Variants in OLAH observed in about 807,000 individuals in gnomAD.
The protein encoded by OLAH is S-acyl fatty acid synthase thioesterase, medium chain.
In OLAH, 33 loss-of-function variants were observed where a neutral mutation model predicts 27.8. That is an observed-to-expected ratio of 1.19 (90% confidence interval 0.90 to 1.59). The LOEUF (loss-of-function observed/expected upper bound fraction) is 1.59, where lower values mean the gene tolerates loss of function less well. OLAH is among the 40% of genes most tolerant of loss of function. OLAH has a pLI of 0.00. For missense variants in OLAH, 359 were observed against 310.8 expected (o/e 1.16, Z -1.17); for synonymous variants, 120 against 102.9 (o/e 1.17, Z -1.01).
intron 1 of OLAH, among the ~76,000 whole-genome samples, chr10:15,046,921 A>T (rs540985839): frequency 6.6e-6 from 1 of 152,256 alleles, no homozygotes; most frequent in South Asian, 2.1e-4. Flanking sequence ...CTGTCTGTAT[A>T]TACGTGAGCA....
chr10:15,063,245 G>T (rs1010052706), intron 4 of OLAH, among the ~76,000 whole-genome samples: 1 of 152,034 alleles, frequency 6.6e-6, no homozygotes, highest in Non-Finnish European at 1.5e-5. Context: ...TTCCACCTCA[G>T]CCTCCCAAGT....
chr10:15,052,177 G>A (rs1294000710), intron 3 of OLAH, among the ~76,000 whole-genome samples: 2 of 152,122 alleles, frequency 1.3e-5, no homozygotes, highest in Non-Finnish European at 2.9e-5. Context: ...CAGCTACTCG[G>A]GAGGCTGAGG....
Position 15,073,461 on chromosome 10 carries a change from C to T in OLAH, c.*232C>T, listed in dbSNP as rs942406047. 4.9e-5 allele frequency: 19 copies of T among 390,566 alleles called. No individual in the cohort carries two copies. Among genetic ancestry groups the T allele is most frequent in the Admixed American group, 8.7e-5 (2 of 22,990 alleles). 24.2% of individuals were successfully genotyped at this position (390,566 alleles called of 1,614,324 possible). On this transcript the variant is annotated 3_prime_UTR_variant, in exon 8 of 8. Coordinates refer to ENST00000378228, the MANE Select transcript of OLAH (RefSeq NM_001039702.3). ...GGATCACGAGGTCAGGAGATCGAGACCGTCCTGGCTAACACCGTGAAACCC... is the reference window on the plus strand; with the variant it reads ...GGATCACGAGGTCAGGAGATCGAGATCGTCCTGGCTAACACCGTGAAACCC...
chr10:15,063,695 T>C (rs765161549), intron 4 of OLAH, among the ~76,000 whole-genome samples: 3 of 152,174 alleles, frequency 2.0e-5, no homozygotes, highest in Non-Finnish European at 2.9e-5. Context: ...TTTATCATAC[T>C]GAAAGGAAAA....
intron 3 of OLAH, among the ~76,000 whole-genome samples, chr10:15,052,167 C>T (rs1023921258): frequency 6.6e-6 from 1 of 152,136 alleles, no homozygotes. Context: ...CCTATAATCC[C>T]AGCTACTCGG....
chr10:15,068,612 C>A (rs1473276650), intron 6 of OLAH, among the ~76,000 whole-genome samples: 2 of 152,138 alleles, frequency 1.3e-5, no homozygotes, highest in Admixed American at 1.3e-4. Flanking sequence ...CCAGCCTGGT[C>A]TCGAACTCCT....
chr10:15,069,696 A>G (rs1200840991), intron 6 of OLAH, among the ~76,000 whole-genome samples: 3 of 152,064 alleles, frequency 2.0e-5, no homozygotes, highest in East Asian at 1.9e-4. Flanking sequence ...GCGAAACCCC[A>G]TCTCTACTAA....
chr10:15,064,525 A>G (rs762785843), intron 5 of OLAH, 23 bp downstream of exon 5: 1 of 1,381,890 alleles, frequency 7.2e-7, no homozygotes, highest in Admixed American at 2.2e-5. Flanking sequence ...GCTTTTTCCT[A>G]GGAAGGGCAG....
At chr10:15,057,505 C>A (rs147483298) in intron 3 of OLAH, among the ~76,000 whole-genome samples, 1 of 151,726 alleles carries the variant, frequency 6.6e-6, no homozygotes, top group South Asian at 2.1e-4. Flanking sequence ...CTTGCCACAG[C>A]CTTCCGAGTA....
intron 4 of OLAH, among the ~76,000 whole-genome samples, chr10:15,063,128 T>C (rs1324432055): frequency 6.6e-6 from 1 of 152,114 alleles, no homozygotes; most frequent in Admixed American, 6.5e-5. Context: ...AATATGCACA[T>C]TGTTAAAGTT....
chr10:15,042,946 C>G (rs554770640), upstream of OLAH, among the ~76,000 whole-genome samples: 1 of 148,262 alleles, frequency 6.7e-6, no homozygotes, highest in South Asian at 2.1e-4. Flanking sequence ...CTGCAAGCTC[C>G]GCCTCCCGGG....
At position 15,047,260 on chromosome 10, in the gene OLAH, C is replaced by T. The variant is rs753201533; in HGVS notation, c.-29C>T. Reference sequence around the variant, plus strand: ...TTGAGCACTCAACACGCCACAGAGACCAGCCATCTTGCAACCTCACCTCAC... The same window carrying T: ...TTGAGCACTCAACACGCCACAGAGATCAGCCATCTTGCAACCTCACCTCAC... On this transcript the variant is annotated 5_prime_UTR_variant, in exon 2 of 8. Coordinates refer to ENST00000378228, the MANE Select transcript of OLAH (RefSeq NM_001039702.3). 4 of 1,612,596 alleles carry T rather than the reference C, an allele frequency of 2.5e-6. No homozygotes were observed. The Admixed American group carries it at 6.7e-5, about 27-fold the overall frequency.
intron 1 of OLAH, among the ~76,000 whole-genome samples, chr10:15,045,933 A>C (rs999701849): frequency 6.6e-6 from 1 of 152,276 alleles, no homozygotes. Context: ...TGGGAGGCTA[A>C]GGCACAGGAA....
intron 3 of OLAH, among the ~76,000 whole-genome samples, chr10:15,061,392 T>G (rs1844358894): frequency 6.6e-6 from 1 of 152,202 alleles, no homozygotes; most frequent in East Asian, 1.9e-4. Context: ...CCTTGAAACC[T>G]GATGTTTTAT....
At position 15,073,413 on chromosome 10, in the gene OLAH, C is replaced by T. The variant is rs1844632170; in HGVS notation, c.*184C>T. The T allele has an allele frequency of 9.7e-6, 5 of 514,898 alleles. No individual in the cohort carries two copies. In the Admixed American group the frequency reaches 1.9e-4, roughly 19 times the overall value. 31.9% of individuals were successfully genotyped at this position (514,898 alleles called of 1,614,324 possible). ...AGCCAGTAAAGAATACTTCTGGCAG[C>T]ACTTTGGGAGGCCAAGGCGGGCGGA... On this transcript the variant is annotated 3_prime_UTR_variant, in exon 8 of 8. Coordinates refer to ENST00000378228, the MANE Select transcript of OLAH (RefSeq NM_001039702.3).
chr10:15,041,668 T>C (rs1056550024), upstream of OLAH, among the ~76,000 whole-genome samples: 27 of 151,444 alleles, frequency 1.8e-4, 1 homozygote, highest in Admixed American at 1.4e-3. Context: ...CTCCACCTCC[T>C]TGGTTCAAGT....
At chr10:15,062,761 C>T (rs532884359) in intron 4 of OLAH, among the ~76,000 whole-genome samples, 1 of 143,736 alleles carries the variant, frequency 7.0e-6, no homozygotes, top group Non-Finnish European at 1.5e-5. Context: ...TTTTTTGAGA[C>T]AGAGTCTCAC....
Position 15,064,409 on chromosome 10 carries a change from A to C in OLAH, c.309A>C (p.Gly103=), listed in dbSNP as rs776700843. 2 of 1,585,546 alleles carry C rather than the reference A, an allele frequency of 1.3e-6. No individual in the cohort carries two copies. The highest frequency in any genetic ancestry group is 1.7e-6 in the Non-Finnish European group (2 of 1,163,386). The change falls in exon 5 of 8, where the codon GGA becomes GGC. Residue 103 remains glycine, a synonymous_variant. Coordinates refer to ENST00000378228, the MANE Select transcript of OLAH (RefSeq NM_001039702.3). The part of the protein sequence containing the change: ...KPFAFFGHSM[G]SYIAFRTALG... ...TTTTCTTTGCTGAATTTAGTATGGG[A>C]TCCTACATTGCTTTTAGGACTGCAC...
intron 1 of OLAH, among the ~76,000 whole-genome samples, chr10:15,034,972 T>C (rs1220151467): frequency 1.3e-5 from 2 of 152,048 alleles, no homozygotes; most frequent in Non-Finnish European, 2.9e-5. Context: ...CCACTGATTT[T>C]TGTATTTTTA....
Sources: gnomAD v4.1 joint callset for allele counts (sites outside exome capture counted in the v4.1 genomes callset) on GRCh38, gnomAD v4.1.1 for gene constraint, MANE v1.5 for transcripts, NCBI Gene and HGNC (gene_info 2026-07-23, HGNC 2026-07-21) for gene names.